Variants in PACRG observed in about 807,000 individuals in gnomAD.
PACRG encodes parkin coregulated.
In PACRG, 29 loss-of-function variants were observed where a neutral mutation model predicts 29.7. The ratio of observed to expected loss-of-function variants is 0.98; its 90% CI spans 0.73 to 1.33. PACRG has a LOEUF of 1.33. PACRG is among the 40% of genes most tolerant of loss of function. The pLI, the probability that PACRG is intolerant of heterozygous loss-of-function variation, is 0.00. For missense variants in PACRG, 279 were observed against 316.2 expected (o/e 0.88, Z 0.89); for synonymous variants, 116 against 118.7 (o/e 0.98, Z 0.15).
At chr6:162,954,311 C>G (rs1799863395) in intron 2 of PACRG, among the ~76,000 whole-genome samples, 1 of 152,072 alleles carries the variant, frequency 6.6e-6, no homozygotes, top group Admixed American at 6.6e-5. Context: ...AATAATGAAG[C>G]AGGTGTTTTG....
In PACRG at chr6:162,958,735, C is replaced by CGTGTGTGT. The variant is rs139595345; in HGVS notation, c.292-103402_292-103395dup. Among the ~76,000 whole-genome samples the CGTGTGTGT allele has an allele frequency of 3.6e-3, 525 of 144,810 alleles. 6 individuals are homozygous for CGTGTGTGT. The highest frequency in any genetic ancestry group is 0.01 in the African/African-American group (397 of 38,896). ...GACAATAAAAATGGGTACACATATG[C>CGTGTGTGT]GTGTGTGTGTGTGTGTGTGTATATA... On this transcript the variant is annotated intron_variant, in intron 2 of 4. Transcript: ENST00000366888.
chr6:162,814,645 T>G (rs1009136953), intron 2 of PACRG, among the ~76,000 whole-genome samples: 1 of 152,112 alleles, frequency 6.6e-6, no homozygotes, highest in Non-Finnish European at 1.5e-5. Flanking sequence ...GATTTCACCT[T>G]CCTGCAGGAC....
At chr6:162,964,073 A>G (rs1800842305) in intron 2 of PACRG, among the ~76,000 whole-genome samples, 1 of 152,214 alleles carries the variant, frequency 6.6e-6, no homozygotes, top group Non-Finnish European at 1.5e-5. Context: ...TAACCATAAC[A>G]GAAGTTGAGT....
intron 4 of PACRG, among the ~76,000 whole-genome samples, chr6:163,144,567 G>A (rs1267822836): frequency 6.6e-6 from 1 of 152,106 alleles, no homozygotes; most frequent in Admixed American, 6.5e-5. Flanking sequence ...TCAGGAGTTC[G>A]AGACCAGCCT....
intron 2 of PACRG, among the ~76,000 whole-genome samples, chr6:162,971,917 CT>C (rs2128160147): frequency 6.6e-6 from 1 of 152,280 alleles, no homozygotes; most frequent in African/African-American, 2.4e-5. Context: ...CTCCTCCTTC[CT>C]TGTGTCTCTT....
At chr6:163,095,788 T>C (rs1814528701) in intron 4 of PACRG, among the ~76,000 whole-genome samples, 1 of 152,194 alleles carries the variant, frequency 6.6e-6, no homozygotes, top group Non-Finnish European at 1.5e-5. Context: ...CCAATATTAC[T>C]TTATCTTAAC....
chr6:163,235,874 T>A (rs1318820230), intron 4 of PACRG, among the ~76,000 whole-genome samples: 1 of 152,110 alleles, frequency 6.6e-6, no homozygotes, highest in East Asian at 1.9e-4. Flanking sequence ...AAATATTGCT[T>A]ATAAGAGAGA....
chr6:163,048,890 G>T (rs1468182492), intron 2 of PACRG, among the ~76,000 whole-genome samples: 1 of 152,064 alleles, frequency 6.6e-6, no homozygotes, highest in South Asian at 2.1e-4. Context: ...ATTTCTGAAG[G>T]CTTGCTTTCT....
chr6:162,949,559 T>C (rs1362118608), intron 2 of PACRG, among the ~76,000 whole-genome samples: 1 of 152,004 alleles, frequency 6.6e-6, no homozygotes, highest in Non-Finnish European at 1.5e-5. Context: ...CTAGATACTA[T>C]AAATACCCTA....
chr6:163,296,505 G>A lies in PACRG; in HGVS notation c.614-18322G>A, dbSNP rs1003797880. On this transcript the variant is annotated intron_variant, in intron 4 of 4. Coordinates refer to ENST00000366888, the MANE Select transcript of PACRG (RefSeq NM_001080379.2). ...AGACGGGGTTTCACCATCTTGGCCA[G>A]GCTGGTCTTGAACTTCTGACTGAGT... Among the ~76,000 whole-genome samples the A allele has an allele frequency of 5.3e-5, 8 of 152,200 alleles. No homozygotes were observed. The East Asian group carries it at 1.5e-3, about 29-fold the overall frequency.
At chr6:163,153,746 G>A (rs1009926926) in intron 4 of PACRG, among the ~76,000 whole-genome samples, 2 of 152,208 alleles carry the variant, frequency 1.3e-5, no homozygotes, top group South Asian at 4.1e-4. Context: ...TAAATTTAGT[G>A]TGGGAAAAAG....
chr6:163,095,355 C>G (rs1585201360), intron 4 of PACRG: 3 of 985,200 alleles, frequency 3.0e-6, no homozygotes, highest in South Asian at 9.4e-5. Flanking sequence ...TGCGCCTGCC[C>G]GGAGGGAAGG....
intron 2 of PACRG, among the ~76,000 whole-genome samples, chr6:162,904,349 TCA>T (rs1306499630): frequency 6.6e-6 from 1 of 152,140 alleles, no homozygotes; most frequent in African/African-American, 2.4e-5. Context: ...TCTGTGAAAC[TCA>T]CACAGACTCA....
chr6:162,960,375 A>G (rs928607768), intron 2 of PACRG, among the ~76,000 whole-genome samples: 1 of 152,226 alleles, frequency 6.6e-6, no homozygotes, highest in Non-Finnish European at 1.5e-5. Flanking sequence ...TCAACAATGG[A>G]TTGGATAAAG....
intron 2 of PACRG, among the ~76,000 whole-genome samples, chr6:162,980,869 G>C (rs1170256542): frequency 6.6e-6 from 1 of 152,104 alleles, no homozygotes; most frequent in Admixed American, 6.6e-5. Context: ...ACAGGAAGCA[G>C]GAATGGGAGC....
chr6:162,804,763 T>G (rs1405494441), intron 1 of PACRG, among the ~76,000 whole-genome samples: 2 of 152,142 alleles, frequency 1.3e-5, no homozygotes, highest in Non-Finnish European at 2.9e-5. Flanking sequence ...CAGCCATTGT[T>G]GCCTATAGTG....
At chr6:162,945,459 T>C (rs1226814807) in intron 2 of PACRG, among the ~76,000 whole-genome samples, 2 of 152,066 alleles carry the variant, frequency 1.3e-5, no homozygotes, top group African/African-American at 4.8e-5. Context: ...GGTAACAATT[T>C]TAAACATATG....
At chr6:163,002,323 G>A (rs1804664609) in intron 2 of PACRG, among the ~76,000 whole-genome samples, 1 of 152,242 alleles carries the variant, frequency 6.6e-6, no homozygotes, top group Non-Finnish European at 1.5e-5. Flanking sequence ...GTTTCTCGTA[G>A]CACAATTTCT....
intron 4 of PACRG, among the ~76,000 whole-genome samples, chr6:163,233,728 A>G (rs932052584): frequency 6.6e-6 from 1 of 152,302 alleles, no homozygotes; most frequent in Middle Eastern, 3.4e-3. Context: ...AAGACATATA[A>G]AGGACAGGTC....
Sources: gnomAD v4.1 joint callset for allele counts (sites outside exome capture counted in the v4.1 genomes callset) on GRCh38, gnomAD v4.1.1 for gene constraint, MANE v1.5 for transcripts, NCBI Gene and HGNC (gene_info 2026-07-23, HGNC 2026-07-21) for gene names.